Variants in ICA1L observed in about 807,000 individuals in gnomAD.
ICA1L encodes islet cell autoantigen 1-like protein.
Under a neutral mutation model 61.3 loss-of-function variants are expected in ICA1L, and 50 were observed. The observed-to-expected ratio is 0.82, with a 90% CI of 0.65 to 1.03. ICA1L has a LOEUF of 1.03. Among genes scored for constraint, ICA1L ranks in the 50% least tolerant of loss-of-function variants. The pLI is 0.00. For missense variants in ICA1L, 508 were observed against 556.7 expected (o/e 0.91, Z 0.88); for synonymous variants, 161 against 191.3 (o/e 0.84, Z 1.31).
intron 10 of ICA1L, among the ~76,000 whole-genome samples, chr2:202,793,855 G>A (rs1272195946): frequency 1.5e-4 from 23 of 151,406 alleles, no homozygotes; most frequent in Non-Finnish European, 1.6e-4. Flanking sequence ...GCATGGTGGC[G>A]TGCACCTGTA....
intron 1 of ICA1L, among the ~76,000 whole-genome samples, chr2:202,839,095 A>T (rs1039061309): frequency 6.6e-6 from 1 of 152,130 alleles, no homozygotes; most frequent in Non-Finnish European, 1.5e-5. Flanking sequence ...TATCCAAACC[A>T]TATCGGTGTA....
chr2:202,863,824 CAAAA>C (rs771457963), intron 1 of ICA1L, among the ~76,000 whole-genome samples: 2 of 65,346 alleles, frequency 3.1e-5, no homozygotes, highest in Admixed American at 1.7e-4. Flanking sequence ...GACTCCGTCT[CAAAA>C]AAAAAAAAAA....
At chr2:202,847,939 A>G (rs528326312) in intron 1 of ICA1L, among the ~76,000 whole-genome samples, 1 of 152,234 alleles carries the variant, frequency 6.6e-6, no homozygotes, top group East Asian at 1.9e-4. Context: ...AGCAATACGG[A>G]TGCAGCTGGA....
rs1472340353 is a variant in ICA1L, at chr2:202,775,111, T to G, written c.*4422A>C. 2 of 152,242 alleles carry G rather than the reference T, an allele frequency of 1.3e-5. No individual in the cohort carries two copies. Among genetic ancestry groups the G allele is most frequent in the Non-Finnish European group, 2.9e-5 (2 of 68,036 alleles). 9.4% of individuals were successfully genotyped at this position (152,242 alleles called of 1,614,324 possible). On this transcript the variant is annotated 3_prime_UTR_variant, in exon 13 of 13. Transcript: ENST00000358299. ...GACCCATCTTTACCAACCATTTTTC[T>G]TATCTTGTCCCTTAGTTTTCTTTGC... is the stretch of plus-strand genomic sequence containing the variant.
intron 10 of ICA1L, among the ~76,000 whole-genome samples, chr2:202,795,689 A>G (rs1212000739): frequency 1.3e-5 from 2 of 152,194 alleles, no homozygotes; most frequent in African/African-American, 4.8e-5. Context: ...AAGTAGAAAA[A>G]GAAATATAGT....
chr2:202,819,076 A>G (rs1693626335), intron 5 of ICA1L, among the ~76,000 whole-genome samples: 1 of 152,246 alleles, frequency 6.6e-6, no homozygotes, highest in South Asian at 2.1e-4. Context: ...TGTGTAATCA[A>G]TGAGGCAAAC....
intron 10 of ICA1L, among the ~76,000 whole-genome samples, chr2:202,796,462 T>C (rs1692928152): frequency 6.6e-6 from 1 of 152,228 alleles, no homozygotes; most frequent in South Asian, 2.1e-4. Context: ...TTGATCCTCA[T>C]TTTACAGATA....
chr2:202,779,643 T>A lies in ICA1L; in HGVS notation c.1339A>T (p.Asn447Tyr). The change falls in exon 13 of 13, where the codon AAC becomes TAC. Residue 447 changes from asparagine (N) to tyrosine (Y), a missense_variant. Coordinates refer to ENST00000358299, the MANE Select transcript of ICA1L (RefSeq NM_001288622.3). ...QSPKKLTRSPNNGNQDMSAWF... is the reference protein window; with the variant it reads ...QSPKKLTRSPYNGNQDMSAWF... ...GCTGACATGTCTTGGTTGCCATTGTTGGGGGCTATTAAAAAAGAAAAAAAA... is the reference window on the plus strand; with the variant it reads ...GCTGACATGTCTTGGTTGCCATTGTAGGGGGCTATTAAAAAAGAAAAAAAA... The A allele has an allele frequency of 6.3e-7, 1 of 1,595,300 alleles. No individual in the cohort carries two copies. The highest frequency in any genetic ancestry group is 8.6e-7 in the Non-Finnish European group (1 of 1,168,538).
At position 202,819,893 on chromosome 2, in the gene ICA1L, G is replaced by A; in HGVS notation, c.366C>T (p.Ala122=). The A allele has an allele frequency of 1.2e-6, 2 of 1,613,332 alleles. No individual in the cohort carries two copies. Among genetic ancestry groups the A allele is most frequent in the African/African-American group, 1.3e-5 (1 of 74,978 alleles). Residue 122 remains alanine, a synonymous_variant, in exon 5 of 13, where the codon GCC becomes GCT. Transcript: ENST00000358299. ...ALCSSAKQRL[A]LCTPLSRLKQ... Reference sequence around the variant, plus strand: ...TCAGACGAGACAGAGGAGTACACAGGGCCAATCTAATGGCAGAGAGGTAAA... The same window carrying A: ...TCAGACGAGACAGAGGAGTACACAGAGCCAATCTAATGGCAGAGAGGTAAA...
intron 9 of ICA1L, among the ~76,000 whole-genome samples, chr2:202,805,596 C>T (rs1369159945): frequency 6.6e-6 from 1 of 151,754 alleles, no homozygotes; most frequent in Non-Finnish European, 1.5e-5. Flanking sequence ...AGAAAAACAT[C>T]AAAGTAAAGA....
chr2:202,809,674 G>T (rs55927603), intron 9 of ICA1L, among the ~76,000 whole-genome samples: 1 of 151,826 alleles, frequency 6.6e-6, no homozygotes, highest in African/African-American at 2.4e-5. Context: ...TTAGCTGGGC[G>T]TGGTGGCAGA....
intron 1 of ICA1L, chr2:202,841,758 C>G (rs1050724340): frequency 8.8e-6 from 4 of 454,880 alleles, no homozygotes; most frequent in South Asian, 6.9e-5. Context: ...CCTTGTAGGA[C>G]TTCTGGGTCA....
rs185598245 is a variant in ICA1L at position 202,837,484 on chromosome 2, C to T, written c.-7-8468G>A. Among the ~76,000 whole-genome samples the T allele has an allele frequency of 6.1e-3, 914 of 149,886 alleles. 7 individuals carry two copies. Among genetic ancestry groups the T allele is most frequent in the African/African-American group, 0.021 (848 of 40,860 alleles). On this transcript the variant is annotated intron_variant, in intron 1 of 12. Transcript: ENST00000358299. ...ATTTTTAGTAGAGACAGGGTTTCAC[C>T]GTGGTCTTGATCTCCTGACCTCGTG... is the stretch of plus-strand genomic sequence containing the variant.
intron 1 of ICA1L, among the ~76,000 whole-genome samples, chr2:202,835,569 C>T (rs376631014): frequency 2.1e-5 from 3 of 146,084 alleles, no homozygotes; most frequent in African/African-American, 7.6e-5. Context: ...TTTTTTGAGA[C>T]GTAGTCTTAC....
At chr2:202,818,796 A>C (rs140455634) in intron 5 of ICA1L, among the ~76,000 whole-genome samples, 3 of 152,288 alleles carry the variant, frequency 2.0e-5, no homozygotes, top group African/African-American at 7.2e-5. Context: ...AGTCTATTAA[A>C]TCTCTTTATC....
intron 1 of ICA1L, among the ~76,000 whole-genome samples, chr2:202,853,830 A>C (rs1310519533): frequency 6.6e-6 from 1 of 152,188 alleles, no homozygotes; most frequent in Non-Finnish European, 1.5e-5. Flanking sequence ...TCCTTTACAG[A>C]CAAGTAAACG....
intron 9 of ICA1L, among the ~76,000 whole-genome samples, chr2:202,804,308 T>TGGAGACA (rs1264179516): frequency 6.6e-6 from 1 of 152,220 alleles, no homozygotes; most frequent in Non-Finnish European, 1.5e-5. Context: ...CTCCAGCCAA[T>TGGAGACA]GGAGACAGGA....
At chr2:202,780,965 T>C (rs965776672) in intron 12 of ICA1L, among the ~76,000 whole-genome samples, 3 of 152,188 alleles carry the variant, frequency 2.0e-5, no homozygotes, top group Non-Finnish European at 2.9e-5. Context: ...CTATTAGTCA[T>C]TATGCCAGAA....
chr2:202,815,870 G>C (rs774631209), intron 7 of ICA1L, 41 bp downstream of exon 7: 2 of 1,149,864 alleles, frequency 1.7e-6, no homozygotes, highest in Non-Finnish European at 2.4e-6. Flanking sequence ...CCCAAATGAA[G>C]AGTAATACAT....
Sources: gnomAD v4.1 joint callset for allele counts (sites outside exome capture counted in the v4.1 genomes callset) on GRCh38, gnomAD v4.1.1 for gene constraint, MANE v1.5 for transcripts, NCBI Gene and HGNC (gene_info 2026-07-23, HGNC 2026-07-21) for gene names.